Variants in RIOK1 observed in about 807,000 individuals in gnomAD.
RIOK1 encodes RIO kinase 1.
A neutral mutation model predicts 73.5 loss-of-function variants in RIOK1; 66 were observed. The ratio of observed to expected loss-of-function variants is 0.90; its 90% CI spans 0.74 to 1.10. The LOEUF is 1.10. Among genes scored for constraint, RIOK1 ranks in the 50% least tolerant of loss-of-function variants. RIOK1 has a pLI of 0.00. For synonymous variants in RIOK1, 224 were observed against 226.8 expected (o/e 0.99, Z 0.11); for missense variants, 658 against 699.8 (o/e 0.94, Z 0.67).
rs779746706 is a variant in RIOK1, at chr6:7,393,190, A to G, written c.163A>G (p.Ile55Val). ...DNVNENGEGEIEDEEEEGYDD... is the reference protein window; with the variant it reads ...DNVNENGEGEVEDEEEEGYDD... Reference sequence around the variant, plus strand: ...TGTGAATGAGAATGGTGAAGGTGAAATAGAAGATGAGGAGGAGGAGGGTTA... The same window carrying G: ...TGTGAATGAGAATGGTGAAGGTGAAGTAGAAGATGAGGAGGAGGAGGGTTA... Residue 55 changes from isoleucine (I) to valine (V), a missense_variant, in exon 2 of 17, where the codon ATA (isoleucine) becomes GTA (valine). Transcript: ENST00000379834. 8 of 1,613,356 alleles carry G rather than the reference A, an allele frequency of 5.0e-6. No homozygotes were observed. The Admixed American group carries it at 6.7e-5, about 13-fold the overall frequency.
intron 11 of RIOK1, 33 bp downstream of exon 11, chr6:7,405,054 A>C: frequency 6.4e-7 from 1 of 1,558,452 alleles, no homozygotes. Context: ...GAAACAGCTC[A>C]TTGGTCTGTT....
At chr6:7,395,176 G>A in intron 3 of RIOK1, 33 bp downstream of exon 3, 2 of 1,587,566 alleles carry the variant, frequency 1.3e-6, no homozygotes, top group Non-Finnish European at 1.7e-6. Context: ...TGGGCTAAGA[G>A]GACATTTTTC....
In RIOK1 at chr6:7,396,892, G is replaced by GGTGTGTGTGTGTGTGTGTGT. The variant is rs150425917; in HGVS notation, c.437+129_437+148dup. ...GTATACTTAAACCAATCATTATTTT[G>GGTGTGTGTGTGTGTGTGTGT]GTGTGTGTGTGTGTGTGTGTGTGTG... On this transcript the variant is annotated intron_variant, in intron 4 of 16. Transcript: ENST00000379834. 1.5e-3 allele frequency: 605 copies of GGTGTGTGTGTGTGTGTGTGT among 416,520 alleles called. 3 individuals are homozygous for GGTGTGTGTGTGTGTGTGTGT. The highest frequency in any genetic ancestry group is 5.8e-3 in the African/African-American group (283 of 48,782). 25.8% of individuals were successfully genotyped at this position (416,520 alleles called of 1,614,324 possible).
chr6:7,396,446 G>A (rs941570128), intron 3 of RIOK1, among the ~76,000 whole-genome samples: 5 of 152,174 alleles, frequency 3.3e-5, no homozygotes, highest in Admixed American at 1.3e-4. Flanking sequence ...TATCTTTGAA[G>A]AATTTCTGCA....
intron 12 of RIOK1, among the ~76,000 whole-genome samples, chr6:7,406,189 G>C (rs1463034430): frequency 6.6e-6 from 1 of 151,896 alleles, no homozygotes; most frequent in Non-Finnish European, 1.5e-5. Context: ...TAGAGACAGG[G>C]TTTCATCATG....
At position 7,411,472 on chromosome 6, in the gene RIOK1, A is replaced by G. The variant is rs575205887; in HGVS notation, c.1389+21A>G. ...ATAATGTAAGTAGCTTGGTTTGTAT[A>G]TAGCAAGCAGCTCTTCAAAAGTAGT... On this transcript the variant is annotated intron_variant, in intron 14 of 16. Transcript: ENST00000379834. 5 of 1,613,330 alleles carry G rather than the reference A, an allele frequency of 3.1e-6. No individual in the cohort carries two copies. The African/African-American group carries it at 6.7e-5, about 22-fold the overall frequency.
chr6:7,412,390 C>T (rs1224267411), intron 14 of RIOK1, among the ~76,000 whole-genome samples: 3 of 151,322 alleles, frequency 2.0e-5, no homozygotes, highest in Middle Eastern at 3.4e-3. Context: ...TACGGAGGCT[C>T]ACACCTGTAA....
chr6:7,415,481 A>G (rs1377654107), intron 16 of RIOK1, among the ~76,000 whole-genome samples: 1 of 152,254 alleles, frequency 6.6e-6, no homozygotes, highest in Non-Finnish European at 1.5e-5. Context: ...GTGGAGAAGG[A>G]AAAAGATGTT....
intron 3 of RIOK1, among the ~76,000 whole-genome samples, chr6:7,396,329 T>G (rs541312408): frequency 1.6e-4 from 24 of 152,324 alleles, no homozygotes; most frequent in African/African-American, 5.3e-4. Context: ...TATCATAGAC[T>G]TATAACTTGA....
At position 7,395,159 on chromosome 6, in the gene RIOK1, A is replaced by G. The variant is rs1481894904; in HGVS notation, c.367+16A>G. On this transcript the variant is annotated intron_variant, in intron 3 of 16. Transcript: ENST00000379834. Reference sequence around the variant, plus strand: ...ATTAATTTAGGTGAGTTTACAAAATACATCACTGGGCTAAGAGGACATTTT... The same window carrying G: ...ATTAATTTAGGTGAGTTTACAAAATGCATCACTGGGCTAAGAGGACATTTT... The G allele has an allele frequency of 1.2e-6, 2 of 1,602,940 alleles. No homozygotes were observed. The highest frequency in any genetic ancestry group is 1.7e-6 in the Non-Finnish European group (2 of 1,174,278).
intron 14 of RIOK1, among the ~76,000 whole-genome samples, chr6:7,412,608 C>T (rs556749237): frequency 1.4e-4 from 21 of 150,048 alleles, no homozygotes; most frequent in South Asian, 8.7e-4. Flanking sequence ...GCCAAGATCG[C>T]GCCACTGCAC....
chr6:7,396,591 C>A, intron 3 of RIOK1, 112 bp from the exon 4 acceptor site: 1 of 587,522 alleles, frequency 1.7e-6, no homozygotes, highest in Non-Finnish European at 3.1e-6. Context: ...TACAATAAAA[C>A]ATTTAGAAAG....
intron 12 of RIOK1, among the ~76,000 whole-genome samples, chr6:7,409,265 G>GTGTT (rs1761828662): frequency 1.6e-5 from 2 of 126,400 alleles, no homozygotes; most frequent in Non-Finnish European, 3.3e-5. Flanking sequence ...GTGTGTGTGT[G>GTGTT]TGTGTTTGAG....
Position 7,405,265 on chromosome 6 carries a change from C to T in RIOK1, c.1113C>T (p.His371=). 3 of 1,610,484 alleles carry T rather than the reference C, an allele frequency of 1.9e-6. No individual in the cohort carries two copies. Among genetic ancestry groups the T allele is most frequent in the Non-Finnish European group, 1.7e-6 (2 of 1,177,270 alleles). ...CANVNDFFMR[H]SVAVMTVREL... Reference sequence around the variant, plus strand: ...TTCTGACAGATTTCTTTATGAGGCACAGTGTTGCTGTCATGACTGTGCGGG... The same window carrying T: ...TTCTGACAGATTTCTTTATGAGGCATAGTGTTGCTGTCATGACTGTGCGGG... Residue 371 remains histidine, a synonymous_variant, in exon 12 of 17, where the codon CAC becomes CAT. Transcript: ENST00000379834.
At position 7,402,903 on chromosome 6, in the gene RIOK1, T is replaced by C. The variant is rs1187473016; in HGVS notation, c.767+6T>C. 6.2e-7 allele frequency: 1 copy of C among 1,611,896 alleles called. No homozygotes were observed. Among genetic ancestry groups the C allele is most frequent in the Admixed American group, 1.7e-5 (1 of 59,950 alleles). On this transcript the variant is annotated splice_donor_region_variant and intron_variant, in intron 8 of 16. Coordinates refer to ENST00000379834, the MANE Select transcript of RIOK1 (RefSeq NM_031480.3). ...GAAATGAGGAACTTAATCAGGTGAC[T>C]GTCTGGGATGTGTGTATGTCTGTCC...
At chr6:7,405,892 T>A (rs1207858110) in intron 12 of RIOK1, among the ~76,000 whole-genome samples, 1 of 151,672 alleles carries the variant, frequency 6.6e-6, no homozygotes, top group African/African-American at 2.4e-5. Flanking sequence ...TGTGAAAGTT[T>A]AGCAAGAAAA....
chr6:7,390,177 A>T, intron 1 of RIOK1, 104 bp downstream of exon 1: 2 of 927,468 alleles, frequency 2.2e-6, no homozygotes, highest in South Asian at 3.1e-5. Context: ...CTAGTGGTTC[A>T]TCACTCAGCG....
In RIOK1 at chr6:7,403,984, A is replaced by G. The variant is rs1207521197; in HGVS notation, c.811A>G (p.Arg271Gly). 1 of 1,612,732 alleles carries G rather than the reference A, an allele frequency of 6.2e-7. No individual in the cohort carries two copies. Among genetic ancestry groups the G allele is most frequent in the Non-Finnish European group, 8.5e-7 (1 of 1,179,176 alleles). Residue 271 changes from arginine (R) to glycine (G), a missense_variant, in exon 9 of 17, where the codon AGA becomes GGA. Transcript: ENST00000379834. ...ACCATGTCCAGAACCAATAATGCTAAGAAGTCATGTTCTTGTCATGAGTTT... is the reference window on the plus strand; with the variant it reads ...ACCATGTCCAGAACCAATAATGCTAGGAAGTCATGTTCTTGTCATGAGTTT... ...EIPCPEPIMLRSHVLVMSFIG... is the reference protein window; with the variant it reads ...EIPCPEPIMLGSHVLVMSFIG...
chr6:7,400,914 G>T, intron 5 of RIOK1, 44 bp from the exon 6 acceptor site: 5 of 1,202,136 alleles, frequency 4.2e-6, no homozygotes, highest in Non-Finnish European at 6.1e-6. Flanking sequence ...AGGAAAATTT[G>T]GTACCGTCTT....
Sources: gnomAD v4.1 joint callset for allele counts (sites outside exome capture counted in the v4.1 genomes callset) on GRCh38, gnomAD v4.1.1 for gene constraint, MANE v1.5 for transcripts, NCBI Gene and HGNC (gene_info 2026-07-23, HGNC 2026-07-21) for gene names.